Variants in PDE4D observed in about 807,000 individuals in gnomAD.
The protein encoded by PDE4D is 3',5'-cyclic-AMP phosphodiesterase 4D.
PDE4D carries 24 observed loss-of-function variants against 87.4 expected under a neutral mutation model. The ratio of observed to expected loss-of-function variants is 0.27; its 90% CI spans 0.20 to 0.39. The LOEUF is 0.39. Among genes scored for constraint, PDE4D ranks in the 10% least tolerant of loss-of-function variants. The pLI, the probability that PDE4D is intolerant of heterozygous loss-of-function variation, is 1.00. For missense variants in PDE4D, 714 were observed against 1,041.0 expected (o/e 0.69, Z 4.32); for synonymous variants, 384 against 383.2 (o/e 1.00, Z -0.02).
chr5:58,972,737 G>A lies in PDE4D; in HGVS notation c.*1927C>T, dbSNP rs999795274. 1 of 152,280 alleles carries A rather than the reference G, an allele frequency of 6.6e-6. No individual in the cohort carries two copies. Among genetic ancestry groups the A allele is most frequent in the South Asian group, 2.1e-4 (1 of 4,824 alleles). The allele number at this position is 152,280 out of a possible 1,614,324, so 9.4% of individuals were successfully genotyped here. On this transcript the variant is annotated 3_prime_UTR_variant, in exon 15 of 15. Transcript: ENST00000340635. The stretch of plus-strand genomic sequence containing the variant: ...TTATTAAGGCTGACGTGGGGATAAA[G>A]TCAGAATTAAATGCCCCATGATGCC...
chr5:59,255,200 T>C (rs899384113), intron 1 of PDE4D, among the ~76,000 whole-genome samples: 1 of 152,164 alleles, frequency 6.6e-6, no homozygotes, highest in African/African-American at 2.4e-5. Context: ...AAATGTGGTA[T>C]ATTCATATAA....
In PDE4D at chr5:58,984,253, C is replaced by G. The variant is rs369185149; in HGVS notation, c.1552+4240G>C. Among the ~76,000 whole-genome samples, 45 of 152,342 alleles carry G rather than the reference C, an allele frequency of 3.0e-4. 2 individuals are homozygous for G. Among genetic ancestry groups the G allele is most frequent in the African/African-American group, 1.1e-3 (44 of 41,580 alleles). ...AAACTGCCTCATTCATCACTCCACT[C>G]TCTATGCCCTCACCCTGCATTATTT... is the stretch of plus-strand genomic sequence containing the variant. On this transcript the variant is annotated intron_variant, in intron 11 of 14. Transcript: ENST00000340635.
chr5:60,118,263 G>A (rs758633523), intron 2 of PDE4D, among the ~76,000 whole-genome samples: 2 of 151,956 alleles, frequency 1.3e-5, no homozygotes, highest in Admixed American at 6.6e-5. Context: ...TTCCCTAGGC[G>A]GCTTATCTGG....
intron 5 of PDE4D, among the ~76,000 whole-genome samples, chr5:59,123,450 G>A (rs114087896): frequency 0.015 from 2,298 of 152,034 alleles, 66 homozygotes; most frequent in African/African-American, 0.05. Flanking sequence ...ATAATCTGCC[G>A]TTTATACATC....
intron 3 of PDE4D, among the ~76,000 whole-genome samples, chr5:59,939,138 C>T (rs55707680): frequency 0.22 from 33,697 of 152,014 alleles, 4,765 homozygotes; most frequent in Admixed American, 0.33. Flanking sequence ...TGAGGTAGGG[C>T]GGAGTATCCT....
At chr5:59,577,236 A>G (rs1353272982) in intron 1 of PDE4D, among the ~76,000 whole-genome samples, 1 of 152,158 alleles carries the variant, frequency 6.6e-6, no homozygotes, top group Admixed American at 6.6e-5. Context: ...TATCAGCATT[A>G]ACGGGCATAA....
At chr5:59,364,136 C>T (rs1444643806) in intron 1 of PDE4D, among the ~76,000 whole-genome samples, 12 of 152,060 alleles carry the variant, frequency 7.9e-5, no homozygotes, top group Admixed American at 7.9e-4. Context: ...ACTTAGGGTG[C>T]CATTTACTAG....
intron 3 of PDE4D, among the ~76,000 whole-genome samples, chr5:59,929,067 A>AAT (rs1391977881): frequency 6.6e-6 from 1 of 151,846 alleles, no homozygotes; most frequent in Non-Finnish European, 1.5e-5. Context: ...AAAGATTTTC[A>AAT]ATATATGTGT....
chr5:59,343,340 C>G (rs921553541), intron 1 of PDE4D, among the ~76,000 whole-genome samples: 6 of 152,204 alleles, frequency 3.9e-5, no homozygotes, highest in Admixed American at 2.6e-4. Context: ...TCCCATCACC[C>G]CCTGGTAACC....
intron 1 of PDE4D, among the ~76,000 whole-genome samples, chr5:59,439,569 T>C (rs764926384): frequency 6.6e-6 from 1 of 152,174 alleles, no homozygotes; most frequent in Non-Finnish European, 1.5e-5. Context: ...CAGTAGCAAA[T>C]AGAACACATG....
chr5:59,377,411 C>A, intron 1 of PDE4D, among the ~76,000 whole-genome samples: 1 of 140,808 alleles, frequency 7.1e-6, no homozygotes. Context: ...AGTGAGACAC[C>A]CATCTCAAAA....
chr5:59,397,038 C>A (rs1373010543), intron 1 of PDE4D, among the ~76,000 whole-genome samples: 1 of 127,984 alleles, frequency 7.8e-6, no homozygotes, highest in African/African-American at 3.1e-5. Context: ...GCTAACTATC[C>A]TAAATATATA....
chr5:59,874,302 C>T (rs963359978), intron 1 of PDE4D, among the ~76,000 whole-genome samples: 2 of 152,186 alleles, frequency 1.3e-5, no homozygotes, highest in African/African-American at 2.4e-5. Flanking sequence ...ATGGTATTTG[C>T]ACAAACGTGA....
chr5:59,291,707 C>CAAAATTA (rs1226659597), intron 1 of PDE4D, among the ~76,000 whole-genome samples: 2 of 144,670 alleles, frequency 1.4e-5, no homozygotes, highest in African/African-American at 2.6e-5. Flanking sequence ...ATGTATGCAC[C>CAAAATTA]AAAATTAAAA....
intron 3 of PDE4D, among the ~76,000 whole-genome samples, chr5:59,982,607 A>C (rs1363414912): frequency 1.3e-5 from 2 of 152,224 alleles, no homozygotes; most frequent in African/African-American, 2.4e-5. Flanking sequence ...GTTGTGGAAG[A>C]AGTGAAGCAG....
At chr5:59,243,639 TA>T (rs1213375361) in intron 1 of PDE4D, among the ~76,000 whole-genome samples, 1 of 151,744 alleles carries the variant, frequency 6.6e-6, no homozygotes, top group Admixed American at 6.6e-5. Flanking sequence ...TTTGTATTTT[TA>T]GTAGAGATGG....
At chr5:59,137,525 CTT>C (rs61134818) in intron 5 of PDE4D, among the ~76,000 whole-genome samples, 5 of 139,576 alleles carry the variant, frequency 3.6e-5, no homozygotes, top group Admixed American at 1.4e-4. Context: ...GGGAAAGTTT[CTT>C]TTTTTTTTTT....
At chr5:59,280,554 T>C (rs76422284) in intron 1 of PDE4D, among the ~76,000 whole-genome samples, 7,430 of 152,162 alleles carry the variant, frequency 0.049, 204 homozygotes, top group African/African-American at 0.066. Flanking sequence ...ACATTTCTTG[T>C]TCTTCTTTAT....
Position 58,974,896 on chromosome 5 carries a change from T to G in PDE4D, c.2198A>C (p.Lys733Thr), listed in dbSNP as rs1310211689. Residue 733 changes from lysine (K) to threonine (T), a missense_variant, in exon 15 of 15, where the codon AAA becomes ACA. Around this residue, in one of 7 missense-constraint regions of PDE4D, gnomAD observed 90 missense variants for 95.3 expected, o/e 0.94. Transcript: ENST00000340635. ...PEEGRQGQTE[K>T]FQFELTLEED... ...CTCTAAAGTTAGTTCAAACTGGAAT[T>G]TCTCAGTTTGACCCTGCCGGCCCTC... 2 of 1,612,530 alleles carry G rather than the reference T, an allele frequency of 1.2e-6. No homozygotes were observed. The highest frequency in any genetic ancestry group is 3.3e-5 in the Admixed American group (2 of 59,928).
Sources: allele counts gnomAD v4.1 joint callset (sites outside exome capture counted in the v4.1 genomes callset), GRCh38; gene constraint gnomAD v4.1.1; regional missense constraint gnomAD v4.1.1; transcripts MANE v1.5; gene names NCBI Gene and HGNC (gene_info 2026-07-23, HGNC 2026-07-21).